RUNX1: variants seen among roughly 807,000 people sequenced by gnomAD.
RUNX1 encodes the protein runt-related transcription factor 1.
Under a neutral mutation model 42.8 loss-of-function variants are expected in RUNX1, and 19 were observed. That is an observed-to-expected ratio of 0.44 (90% CI 0.31 to 0.65). The LOEUF (loss-of-function observed/expected upper bound fraction) is 0.65. Among genes scored for constraint, RUNX1 ranks in the 30% least tolerant of loss-of-function variants. The pLI is 0.07. For synonymous variants in RUNX1, 271 were observed against 289.4 expected (o/e 0.94, Z 0.64); for missense variants, 528 against 672.0 (o/e 0.79, Z 2.37).
chr21:34,858,699 G>A (rs1385542123), intron 6 of RUNX1, among the ~76,000 whole-genome samples: 1 of 152,160 alleles, frequency 6.6e-6, no homozygotes. Flanking sequence ...TCTGGATGCT[G>A]GGCGGGGGTG....
intron 2 of RUNX1, among the ~76,000 whole-genome samples, chr21:34,970,765 G>A (rs1206521208): frequency 6.6e-6 from 1 of 152,172 alleles, no homozygotes; most frequent in Non-Finnish European, 1.5e-5. Context: ...ACTGCACACT[G>A]ATGAAAACCA....
At chr21:35,018,088 C>G (rs949003242) in intron 2 of RUNX1, among the ~76,000 whole-genome samples, 6 of 152,134 alleles carry the variant, frequency 3.9e-5, no homozygotes, top group African/African-American at 1.4e-4. Flanking sequence ...TGCACTGGTG[C>G]AATCTTGGCT....
chr21:35,026,719 G>C (rs548963906), intron 2 of RUNX1, among the ~76,000 whole-genome samples: 12 of 152,308 alleles, frequency 7.9e-5, no homozygotes, highest in African/African-American at 2.9e-4. Context: ...GGAGCAGCAA[G>C]GGGATCCTTT....
intron 2 of RUNX1, among the ~76,000 whole-genome samples, chr21:34,923,471 C>A (rs2058369970): frequency 6.6e-6 from 1 of 152,170 alleles, no homozygotes; most frequent in Admixed American, 6.5e-5. Flanking sequence ...TGGCACCTTT[C>A]TGAACAGCCA....
intron 3 of RUNX1, among the ~76,000 whole-genome samples, chr21:34,889,995 G>C (rs1036630002): frequency 1.3e-5 from 2 of 152,200 alleles, no homozygotes; most frequent in African/African-American, 4.8e-5. Flanking sequence ...CCGGCGCGGG[G>C]GTCCCTCGCC....
intron 2 of RUNX1, among the ~76,000 whole-genome samples, chr21:34,969,781 G>A (rs1251517055): frequency 6.7e-6 from 1 of 148,630 alleles, no homozygotes; most frequent in African/African-American, 2.6e-5. Context: ...AAAAACAAAG[G>A]CCAGGCAGAA....
chr21:34,993,680 G>GAC (rs1197045193), intron 2 of RUNX1, among the ~76,000 whole-genome samples: 4 of 49,400 alleles, frequency 8.1e-5, no homozygotes, highest in Admixed American at 2.0e-4. Flanking sequence ...CACACACACA[G>GAC]ACACACACAC....
chr21:34,826,195 A>T (rs1356038537), intron 7 of RUNX1, among the ~76,000 whole-genome samples: 1 of 152,150 alleles, frequency 6.6e-6, no homozygotes, highest in Non-Finnish European at 1.5e-5. Context: ...CTTTGCAGGG[A>T]GCAAACGGGT....
intron 7 of RUNX1, among the ~76,000 whole-genome samples, chr21:34,822,677 T>C (rs1601394864): frequency 2.6e-5 from 4 of 152,320 alleles, no homozygotes; most frequent in Admixed American, 6.5e-5. Context: ...GAGAGCTAAA[T>C]AAACCACTTA....
At chr21:34,977,761 T>C (rs2058813820) in intron 2 of RUNX1, among the ~76,000 whole-genome samples, 2 of 152,212 alleles carry the variant, frequency 1.3e-5, no homozygotes, top group African/African-American at 4.8e-5. Context: ...ATGGAGAATG[T>C]CGCTGGAGAG....
intron 6 of RUNX1, among the ~76,000 whole-genome samples, chr21:34,841,339 C>T (rs1286636585): frequency 6.6e-6 from 1 of 152,086 alleles, no homozygotes; most frequent in Non-Finnish European, 1.5e-5. Flanking sequence ...GATGCTTTAG[C>T]CCCAGAGAAT....
chr21:35,042,981 A>G (rs921299097), intron 2 of RUNX1, among the ~76,000 whole-genome samples: 2 of 152,126 alleles, frequency 1.3e-5, no homozygotes, highest in African/African-American at 4.8e-5. Context: ...GGAGGGAGAG[A>G]AAGAGAGAGA....
At chr21:34,869,046 A>C (rs1168414824) in intron 5 of RUNX1, among the ~76,000 whole-genome samples, 3 of 151,988 alleles carry the variant, frequency 2.0e-5, no homozygotes, top group Non-Finnish European at 1.5e-5. Flanking sequence ...TATCTCATGC[A>C]CTCTCATTTT....
intron 6 of RUNX1, among the ~76,000 whole-genome samples, chr21:34,835,154 A>G (rs1339696213): frequency 6.6e-6 from 1 of 151,956 alleles, no homozygotes; most frequent in Admixed American, 6.6e-5. Context: ...GGGAGGTCCC[A>G]TTTCCAGGTA....
At chr21:34,844,095 A>ACTGAAACCCC in intron 6 of RUNX1, among the ~76,000 whole-genome samples, 1 of 152,224 alleles carries the variant, frequency 6.6e-6, no homozygotes, top group African/African-American at 2.4e-5. Flanking sequence ...ACCCCCAGTT[A>ACTGAAACCCC]CAGCGTAACT....
At chr21:35,011,134 T>A (rs2059123671) in intron 2 of RUNX1, among the ~76,000 whole-genome samples, 1 of 152,146 alleles carries the variant, frequency 6.6e-6, no homozygotes, top group Non-Finnish European at 1.5e-5. Context: ...GTGATGTGAA[T>A]AACAATGAAA....
chr21:34,889,458 CA>C (rs1391550774), intron 3 of RUNX1, among the ~76,000 whole-genome samples: 2 of 152,168 alleles, frequency 1.3e-5, no homozygotes, highest in South Asian at 4.1e-4. Flanking sequence ...CGTCAGCGGC[CA>C]GCGAAGAGTT....
chr21:34,887,171 G>C, intron 3 of RUNX1, 75 bp from the exon 4 acceptor site: 1 of 1,563,304 alleles, frequency 6.4e-7, no homozygotes, highest in Admixed American at 1.7e-5. Flanking sequence ...GGCGACAGGG[G>C]CGCGGATCTT....
intron 7 of RUNX1, among the ~76,000 whole-genome samples, chr21:34,823,504 C>T (rs955881098): frequency 8.6e-5 from 12 of 138,998 alleles, no homozygotes; most frequent in Non-Finnish European, 1.2e-4. Flanking sequence ...AGTACAATGG[C>T]CTGATCTCGG....
Sources: allele counts gnomAD v4.1 joint callset (sites outside exome capture counted in the v4.1 genomes callset), GRCh38; gene constraint gnomAD v4.1.1; transcripts MANE v1.5; gene names NCBI Gene and HGNC (gene_info 2026-07-23, HGNC 2026-07-21).